The following EPC2 variants were observed in gnomAD, a reference collection of about 807,000 sequenced individuals.
EPC2 encodes the protein enhancer of polycomb 2.
In EPC2, 14 loss-of-function variants were observed where a neutral mutation model predicts 92.1. The observed-to-expected ratio is 0.15, with a 90% CI of 0.10 to 0.24. EPC2 has a LOEUF of 0.24. Ranked by LOEUF, EPC2 falls within the 10% of genes least tolerant of loss-of-function variation. The pLI is 1.00. For synonymous variants in EPC2, 340 were observed against 334.7 expected, an observed-to-expected ratio of 1.02 and a Z score of -0.17; for missense variants, 755 against 971.5, an observed-to-expected ratio of 0.78 and a Z score of 2.96.
intron 1 of EPC2, among the ~76,000 whole-genome samples, chr2:148,669,627 C>T (rs1049494443): frequency 2.6e-5 from 4 of 152,136 alleles, no homozygotes; most frequent in East Asian, 3.9e-4. Flanking sequence ...GGCTGCAGTG[C>T]GCAGTGTTGG....
rs533606781 is a variant in EPC2, at chr2:148,771,391, A to G, written c.1720+4A>G. The G allele has an allele frequency of 3.0e-5, 47 of 1,581,378 alleles. No individual in the cohort carries two copies. The South Asian group carries it at 5.0e-4, about 17-fold the overall frequency. ...ACCAGCAAGAATGGCATATCAGGTAAGCTGTTGCTGTGTTAAAAGTATATC... is the reference window on the plus strand; with the variant it reads ...ACCAGCAAGAATGGCATATCAGGTAGGCTGTTGCTGTGTTAAAAGTATATC... On this transcript the variant is annotated splice_donor_region_variant and intron_variant, in intron 10 of 13. Transcript: ENST00000258484.
chr2:148,713,280 G>A (rs2105385667), intron 2 of EPC2, among the ~76,000 whole-genome samples: 1 of 152,244 alleles, frequency 6.6e-6, no homozygotes, highest in South Asian at 2.1e-4. Context: ...GGAAGACAGT[G>A]ATAATGATGA....
At chr2:148,733,845 A>G (rs1019198776) in intron 2 of EPC2, among the ~76,000 whole-genome samples, 2 of 152,024 alleles carry the variant, frequency 1.3e-5, no homozygotes, top group African/African-American at 4.8e-5. Flanking sequence ...CTGTTTGTTC[A>G]TTTTGTTTTA....
At chr2:148,687,217 T>G (rs2105369801) in intron 1 of EPC2, among the ~76,000 whole-genome samples, 1 of 152,340 alleles carries the variant, frequency 6.6e-6, no homozygotes, top group South Asian at 2.1e-4. Context: ...TCTTCTAACT[T>G]TTTTCCTGTA....
chr2:148,663,231 T>C (rs984812488), intron 1 of EPC2, among the ~76,000 whole-genome samples: 11 of 147,316 alleles, frequency 7.5e-5, no homozygotes, highest in East Asian at 3.9e-4. Context: ...TTATTATTAT[T>C]ATTATTATTT....
At chr2:148,677,808 A>G (rs1020328020) in intron 1 of EPC2, among the ~76,000 whole-genome samples, 15 of 151,224 alleles carry the variant, frequency 9.9e-5, no homozygotes, top group African/African-American at 3.4e-4. Flanking sequence ...AAGGCGGCGC[A>G]TCTGGAGTTG....
chr2:148,670,891 G>T (rs932741622), intron 1 of EPC2, among the ~76,000 whole-genome samples: 3 of 152,082 alleles, frequency 2.0e-5, no homozygotes, highest in Non-Finnish European at 2.9e-5. Context: ...TCAGTATGTT[G>T]CCCAGGCTTG....
At chr2:148,771,427 TTTTTAC>T in intron 10 of EPC2, 40 bp downstream of exon 10, 1 of 1,476,894 alleles carries the variant, frequency 6.8e-7, no homozygotes, top group Non-Finnish European at 9.1e-7. Flanking sequence ...CTGCTATTCT[TTTTTAC>T]TTAATTTTAT....
At chr2:148,784,017 G>C (rs1387227067) in intron 12 of EPC2, among the ~76,000 whole-genome samples, 1 of 152,094 alleles carries the variant, frequency 6.6e-6, no homozygotes, top group Admixed American at 6.5e-5. Context: ...CATACTGTCA[G>C]TTGCCTCACA....
intron 2 of EPC2, among the ~76,000 whole-genome samples, chr2:148,707,650 C>T (rs1181855031): frequency 1.3e-5 from 2 of 152,220 alleles, no homozygotes; most frequent in African/African-American, 4.8e-5. Context: ...CAAACTGTCT[C>T]TCACACCACA....
intron 2 of EPC2, among the ~76,000 whole-genome samples, chr2:148,727,334 T>C (rs1395037460): frequency 6.6e-6 from 1 of 152,302 alleles, no homozygotes; most frequent in East Asian, 1.9e-4. Context: ...ACTATAGCTT[T>C]ATAATTTGTT....
chr2:148,669,145 CTT>C (rs1328450145), intron 1 of EPC2, among the ~76,000 whole-genome samples: 3 of 152,078 alleles, frequency 2.0e-5, no homozygotes, highest in African/African-American at 7.2e-5. Context: ...ATTTTCATCT[CTT>C]GTGGTGTTTC....
intron 8 of EPC2, 54 bp downstream of exon 8, chr2:148,769,294 C>A: frequency 7.8e-7 from 1 of 1,280,444 alleles, no homozygotes; most frequent in South Asian, 1.3e-5. Context: ...TAACAGGTAA[C>A]CCATGTCAAG....
In EPC2 at chr2:148,766,315, A is replaced by G. The variant is rs186144709; in HGVS notation, c.1140+1169A>G. ...TAACCATTTAAAATCTGGAGTTTGC[A>G]TAAAATGTGTCCATTTGGCTGGATT... On this transcript the variant is annotated intron_variant, in intron 7 of 13. Coordinates refer to ENST00000258484, the MANE Select transcript of EPC2 (RefSeq NM_015630.4). 2.6e-5 allele frequency among the ~76,000 whole-genome samples: 4 copies of G among 152,380 alleles called. No individual in the cohort carries two copies. In the East Asian group the frequency reaches 5.8e-4, roughly 22 times the overall value.
At chr2:148,733,435 T>C (rs930049032) in intron 2 of EPC2, among the ~76,000 whole-genome samples, 1 of 149,704 alleles carries the variant, frequency 6.7e-6, no homozygotes, top group Non-Finnish European at 1.5e-5. Context: ...CCTTTTCTCC[T>C]ATTCCTTTTT....
At chr2:148,725,743 A>G (rs1487515400) in intron 2 of EPC2, among the ~76,000 whole-genome samples, 3 of 152,090 alleles carry the variant, frequency 2.0e-5, no homozygotes, top group Non-Finnish European at 2.9e-5. Context: ...AAGTTCCTCA[A>G]TTTGGGTATA....
intron 2 of EPC2, among the ~76,000 whole-genome samples, chr2:148,736,003 T>A (rs2105401128): frequency 6.6e-6 from 1 of 152,252 alleles, no homozygotes; most frequent in African/African-American, 2.4e-5. Flanking sequence ...TCTGAATAAT[T>A]GAGAAAGAGG....
intron 4 of EPC2, among the ~76,000 whole-genome samples, chr2:148,761,347 C>A (rs1397364210): frequency 6.6e-6 from 1 of 152,160 alleles, no homozygotes; most frequent in African/African-American, 2.4e-5. Flanking sequence ...CATCCAGCCC[C>A]CAGTTACAGA....
At chr2:148,711,525 C>T (rs189574648) in intron 2 of EPC2, among the ~76,000 whole-genome samples, 1 of 151,782 alleles carries the variant, frequency 6.6e-6, no homozygotes, top group East Asian at 1.9e-4. Flanking sequence ...TGATTGTTTC[C>T]ATGTGAGTTT....
Sources: allele counts gnomAD v4.1 joint callset (sites outside exome capture counted in the v4.1 genomes callset), GRCh38; gene constraint gnomAD v4.1.1; transcripts MANE v1.5; gene names NCBI Gene and HGNC (gene_info 2026-07-23, HGNC 2026-07-21).